Variants in LIMS1 observed in about 807,000 individuals in gnomAD.
LIMS1 encodes the protein LIM zinc finger domain containing 1.
Under a neutral mutation model 44.1 loss-of-function variants are expected in LIMS1, and 18 were observed. That is an observed-to-expected ratio of 0.41 (90% CI 0.28 to 0.61). The LOEUF (loss-of-function observed/expected upper bound fraction) is 0.61, where lower values mean the gene tolerates loss of function less well. LIMS1 is among the 20% of genes least tolerant of loss of function. LIMS1 has a pLI of 0.32. For missense variants in LIMS1, 201 were observed against 422.0 expected (o/e 0.48, Z 4.59); for synonymous variants, 93 against 149.1 (o/e 0.62, Z 2.74).
chr2:108,642,807 G>A (rs1349051762), intron 1 of LIMS1, among the ~76,000 whole-genome samples: 2 of 152,138 alleles, frequency 1.3e-5, no homozygotes, highest in African/African-American at 4.8e-5. Context: ...TTTGGCCATG[G>A]CTTATGTCAG....
intron 1 of LIMS1, among the ~76,000 whole-genome samples, chr2:108,654,188 G>A (rs1204510692): frequency 1.3e-5 from 2 of 151,938 alleles, no homozygotes; most frequent in Non-Finnish European, 2.9e-5. Flanking sequence ...CCTTGGCTTA[G>A]TGATTTAGTT....
chr2:108,570,527 G>T (rs1010386809), intron 1 of LIMS1, among the ~76,000 whole-genome samples: 4 of 152,156 alleles, frequency 2.6e-5, no homozygotes, highest in Non-Finnish European at 4.4e-5. Flanking sequence ...TGGCAGGTTG[G>T]TCGTGGGGGA....
chr2:108,556,597 T>G, intron 1 of LIMS1, among the ~76,000 whole-genome samples: 1 of 152,372 alleles, frequency 6.6e-6, no homozygotes, highest in Admixed American at 6.5e-5. Flanking sequence ...GATGGACTTA[T>G]GCTTTTTCTC....
chr2:108,592,817 CTG>C (rs1307470875), intron 1 of LIMS1, among the ~76,000 whole-genome samples: 2 of 152,182 alleles, frequency 1.3e-5, no homozygotes, highest in African/African-American at 4.8e-5. Context: ...AGTATTTAAT[CTG>C]TGAGTAGTGT....
intron 1 of LIMS1, among the ~76,000 whole-genome samples, chr2:108,586,317 A>G (rs1390363163): frequency 1.3e-5 from 2 of 152,214 alleles, no homozygotes; most frequent in Admixed American, 1.3e-4. Flanking sequence ...ACTGGAGCCT[A>G]TTTACAAACT....
intron 1 of LIMS1, among the ~76,000 whole-genome samples, chr2:108,642,336 T>G (rs1405672925): frequency 1.4e-4 from 3 of 22,110 alleles, no homozygotes; most frequent in Non-Finnish European, 2.1e-4. Flanking sequence ...GCTACTAGTG[T>G]TTTTTGTTTT....
intron 1 of LIMS1, among the ~76,000 whole-genome samples, chr2:108,633,827 TTAAG>T (rs1689066183): frequency 1.3e-5 from 2 of 152,166 alleles, no homozygotes; most frequent in African/African-American, 4.8e-5. Context: ...TTTATATTAT[TTAAG>T]TAATTAAATG....
intron 1 of LIMS1, among the ~76,000 whole-genome samples, chr2:108,645,659 T>G (rs1690008989): frequency 6.6e-6 from 1 of 152,114 alleles, no homozygotes; most frequent in Non-Finnish European, 1.5e-5. Flanking sequence ...ACCTTAAATG[T>G]AAACGGGCTA....
intron 1 of LIMS1, among the ~76,000 whole-genome samples, chr2:108,569,683 A>G (rs900627091): frequency 1.3e-5 from 2 of 151,652 alleles, no homozygotes; most frequent in African/African-American, 4.9e-5. Context: ...TATGGCATGA[A>G]CACCTAGGCT....
chr2:108,539,791 T>C (rs1009197224), intron 1 of LIMS1, among the ~76,000 whole-genome samples: 1 of 152,216 alleles, frequency 6.6e-6, no homozygotes, highest in Non-Finnish European at 1.5e-5. Flanking sequence ...GAAGTCATCA[T>C]TTCCCATCAT....
intron 1 of LIMS1, among the ~76,000 whole-genome samples, chr2:108,564,905 A>G (rs971960791): frequency 6.6e-6 from 1 of 151,910 alleles, no homozygotes; most frequent in Non-Finnish European, 1.5e-5. Context: ...AGCACTTTGT[A>G]CTGTAGTCAC....
intron 1 of LIMS1, chr2:108,607,193 A>T: frequency 6.4e-7 from 1 of 1,550,786 alleles, no homozygotes; most frequent in Non-Finnish European, 8.7e-7. Flanking sequence ...ATCTATGAGC[A>T]TGGAGAGCTT....
At chr2:108,588,483 AG>A (rs1686210633) in intron 1 of LIMS1, 1 of 985,544 alleles carries the variant, frequency 1.0e-6, no homozygotes, top group Non-Finnish European at 1.2e-6. Context: ...AATTAAGAGA[AG>A]GGGAGCTGGA....
At chr2:108,615,605 G>A (rs1359616354) in intron 1 of LIMS1, among the ~76,000 whole-genome samples, 2 of 152,142 alleles carry the variant, frequency 1.3e-5, no homozygotes, top group Non-Finnish European at 2.9e-5. Context: ...GCTGTTCAGG[G>A]TTCTCCTCCA....
chr2:108,545,460 C>T (rs1427426735), intron 1 of LIMS1, among the ~76,000 whole-genome samples: 1 of 152,184 alleles, frequency 6.6e-6, no homozygotes, highest in East Asian at 1.9e-4. Context: ...GTCTTGAACT[C>T]CTGACCTCGG....
chr2:108,634,527 C>T (rs1006028524), intron 1 of LIMS1, among the ~76,000 whole-genome samples: 2 of 152,190 alleles, frequency 1.3e-5, no homozygotes, highest in Non-Finnish European at 2.9e-5. Flanking sequence ...AATCTTTCAG[C>T]CCTCCCAAGG....
intron 1 of LIMS1, among the ~76,000 whole-genome samples, chr2:108,552,870 G>A (rs1684808517): frequency 6.6e-6 from 1 of 152,038 alleles, no homozygotes; most frequent in Non-Finnish European, 1.5e-5. Flanking sequence ...GAGCCACTGT[G>A]CCTAGTCCAA....
chr2:108,585,150 CAA>C lies in LIMS1; in HGVS notation c.32+50576_32+50577del, dbSNP rs35679577. Among the ~76,000 whole-genome samples the C allele has an allele frequency of 1.2e-4, 8 of 69,364 alleles. No homozygotes were observed. In the East Asian group the frequency reaches 1.8e-3, roughly 16 times the overall value. 45.5% of individuals were successfully genotyped at this position (69,364 alleles called of 152,430 possible). ...TGGGCAACAGAGCATGACTCCGTCT[CAA>C]AAAAAAAAAAAAAAAAAAAGGCGGG... On this transcript the variant is annotated intron_variant, in intron 1 of 9. Transcript: ENST00000544547.
intron 1 of LIMS1, chr2:108,588,491 T>C: frequency 1.0e-6 from 1 of 985,662 alleles, no homozygotes; most frequent in Non-Finnish European, 1.2e-6. Context: ...GAAGGGGAGC[T>C]GGAGGTGGCT....
Sources: gnomAD v4.1 joint callset for allele counts (sites outside exome capture counted in the v4.1 genomes callset) on GRCh38, gnomAD v4.1.1 for gene constraint, MANE v1.5 for transcripts, NCBI Gene and HGNC (gene_info 2026-07-23, HGNC 2026-07-21) for gene names.